Variants in KCNQ3 observed in about 807,000 individuals in gnomAD.
KCNQ3 encodes potassium voltage-gated channel subfamily Q member 3, also known as potassium voltage-gated channel subfamily KQT member 3.
A neutral mutation model predicts 92.5 loss-of-function variants in KCNQ3; 30 were observed. The observed-to-expected ratio is 0.32, with a 90% CI of 0.24 to 0.44. The LOEUF (loss-of-function observed/expected upper bound fraction) is 0.44, where lower values mean the gene tolerates loss of function less well. Ranked by LOEUF, KCNQ3 falls within the 20% of genes least tolerant of loss-of-function variation. KCNQ3 has a pLI of 1.00. For missense variants in KCNQ3, 913 were observed against 1,140.3 expected (o/e 0.80, Z 2.87); for synonymous variants, 450 against 468.8 (o/e 0.96, Z 0.52).
intron 1 of KCNQ3, among the ~76,000 whole-genome samples, chr8:132,194,119 T>C (rs939355277): frequency 1.3e-5 from 2 of 152,214 alleles, no homozygotes; most frequent in Non-Finnish European, 2.9e-5. Flanking sequence ...CACTAGACTC[T>C]CTTTCTTAGA....
At chr8:132,187,886 C>CGGTGGT (rs1211571900) in intron 1 of KCNQ3, among the ~76,000 whole-genome samples, 1 of 26,624 alleles carries the variant, frequency 3.8e-5, no homozygotes, top group African/African-American at 1.7e-4. Flanking sequence ...GTGATGGTGG[C>CGGTGGT]GGTGGTGGTG....
intron 1 of KCNQ3, among the ~76,000 whole-genome samples, chr8:132,259,331 G>A (rs1240829983): frequency 6.6e-6 from 1 of 152,076 alleles, no homozygotes; most frequent in Non-Finnish European, 1.5e-5. Context: ...TCCCGGTAAT[G>A]CAAAGTTGAT....
At chr8:132,300,209 G>A (rs1046830556) in intron 1 of KCNQ3, among the ~76,000 whole-genome samples, 2 of 152,208 alleles carry the variant, frequency 1.3e-5, no homozygotes, top group Non-Finnish European at 2.9e-5. Flanking sequence ...ATGGACCATG[G>A]ATCATTCTGT....
chr8:132,154,192 A>ATTTTTTTTTTTTTTTTTTTT (rs1563775830), intron 9 of KCNQ3, among the ~76,000 whole-genome samples: 12 of 104,472 alleles, frequency 1.1e-4, no homozygotes, highest in African/African-American at 2.6e-4. Context: ...AAAGGGTAAA[A>ATTTTTTTTTTTTTTTTTTTT]GTTTTTTTTT....
At chr8:132,228,623 G>A (rs1267501835) in intron 1 of KCNQ3, among the ~76,000 whole-genome samples, 1 of 151,814 alleles carries the variant, frequency 6.6e-6, no homozygotes, top group African/African-American at 2.4e-5. Context: ...TATATAATCA[G>A]ACAACAAAAC....
intron 1 of KCNQ3, among the ~76,000 whole-genome samples, chr8:132,249,928 C>T (rs532919364): frequency 4.6e-5 from 7 of 152,272 alleles, no homozygotes; most frequent in Admixed American, 2.6e-4. Flanking sequence ...CTGGGGCCAG[C>T]GGCACCGGCC....
chr8:132,333,708 A>T (rs890328769), intron 1 of KCNQ3, among the ~76,000 whole-genome samples: 2 of 150,940 alleles, frequency 1.3e-5, no homozygotes, highest in Non-Finnish European at 2.9e-5. Flanking sequence ...ACTTTGTCCT[A>T]TGTTACTGTG....
In KCNQ3 at chr8:132,175,657, G is replaced by C. The variant is rs368902266; in HGVS notation, c.778-49C>G. Reference sequence around the variant, plus strand: ...GAAAAGTGGTCACTGGGGAGTCGTTGAGTGGATGCTGGAGCCAGACACACC... The same window carrying C: ...GAAAAGTGGTCACTGGGGAGTCGTTCAGTGGATGCTGGAGCCAGACACACC... On this transcript the variant is annotated intron_variant, in intron 4 of 14. Coordinates refer to ENST00000388996, the MANE Select transcript of KCNQ3 (RefSeq NM_004519.4). The C allele has an allele frequency of 2.6e-5, 42 of 1,585,716 alleles. No individual in the cohort carries two copies. The African/African-American group carries it at 4.8e-4, about 18-fold the overall frequency.
intron 1 of KCNQ3, among the ~76,000 whole-genome samples, chr8:132,348,000 A>AG (rs1382910782): frequency 6.9e-4 from 100 of 145,000 alleles, no homozygotes; most frequent in East Asian, 3.7e-3. Context: ...AAAAAAAAAA[A>AG]AGGAAAACCC....
intron 1 of KCNQ3, among the ~76,000 whole-genome samples, chr8:132,457,508 A>G (rs920044528): frequency 6.6e-6 from 1 of 152,154 alleles, no homozygotes; most frequent in African/African-American, 2.4e-5. Context: ...TTAGGACTTT[A>G]GGAACCTGCT....
intron 1 of KCNQ3, among the ~76,000 whole-genome samples, chr8:132,461,393 G>A (rs537665986): frequency 2.0e-4 from 30 of 152,140 alleles, no homozygotes; most frequent in South Asian, 4.2e-4. Context: ...GTGAAACCCC[G>A]TCTCCACTAA....
chr8:132,248,716 C>T lies in KCNQ3; in HGVS notation c.387-62535G>A, dbSNP rs370806054. Among the ~76,000 whole-genome samples the T allele has an allele frequency of 4.6e-5, 7 of 152,212 alleles. No individual in the cohort carries two copies. In the East Asian group the frequency reaches 1.3e-3, roughly 29 times the overall value. Reference sequence around the variant, plus strand: ...GTCCCACCAGAACTGGGCACAGGCTCCTGCCCCAGCCAATCAGCAGATTAC... The same window carrying T: ...GTCCCACCAGAACTGGGCACAGGCTTCTGCCCCAGCCAATCAGCAGATTAC... On this transcript the variant is annotated intron_variant, in intron 1 of 14. Transcript: ENST00000388996.
intron 1 of KCNQ3, among the ~76,000 whole-genome samples, chr8:132,204,578 C>T (rs1369028974): frequency 6.6e-6 from 1 of 152,200 alleles, no homozygotes; most frequent in Non-Finnish European, 1.5e-5. Context: ...TCCTAACCCA[C>T]CATCTCTTCA....
chr8:132,279,743 C>T (rs966717771), intron 1 of KCNQ3, among the ~76,000 whole-genome samples: 1 of 152,188 alleles, frequency 6.6e-6, no homozygotes, highest in Non-Finnish European at 1.5e-5. Context: ...TAAACACAAA[C>T]ACACATCTAT....
chr8:132,438,410 A>G (rs185074916), intron 1 of KCNQ3, among the ~76,000 whole-genome samples: 9 of 152,008 alleles, frequency 5.9e-5, no homozygotes, highest in African/African-American at 9.7e-5. Context: ...TCCTCCTTCT[A>G]TCTGAGGAAC....
At chr8:132,306,733 A>G (rs1238762749) in intron 1 of KCNQ3, among the ~76,000 whole-genome samples, 2 of 152,236 alleles carry the variant, frequency 1.3e-5, no homozygotes, top group Non-Finnish European at 1.5e-5. Flanking sequence ...ACTTAGAAAG[A>G]TCAATATTTA....
chr8:132,224,314 C>G (rs986643729), intron 1 of KCNQ3, among the ~76,000 whole-genome samples: 11 of 151,652 alleles, frequency 7.3e-5, no homozygotes, highest in South Asian at 2.1e-4. Context: ...ATGGAGTTAG[C>G]CTGTAATTAA....
At chr8:132,457,673 T>C (rs1821973315) in intron 1 of KCNQ3, among the ~76,000 whole-genome samples, 1 of 152,136 alleles carries the variant, frequency 6.6e-6, no homozygotes, top group Non-Finnish European at 1.5e-5. Flanking sequence ...CAGCAGTCCA[T>C]CTGTATTTTG....
intron 1 of KCNQ3, among the ~76,000 whole-genome samples, chr8:132,448,773 T>C (rs938426): frequency 0.94 from 142,815 of 152,310 alleles, 66,988 homozygotes; most frequent in African/African-American, 0.95. Flanking sequence ...TTGATGGACT[T>C]AAATTTTTAA....
Sources: gnomAD v4.1 joint callset for allele counts (sites outside exome capture counted in the v4.1 genomes callset) on GRCh38, gnomAD v4.1.1 for gene constraint, MANE v1.5 for transcripts, NCBI Gene and HGNC (gene_info 2026-07-23, HGNC 2026-07-21) for gene names.